Variants in CADPS2 observed in about 807,000 individuals in gnomAD.
The protein encoded by CADPS2 is calcium dependent secretion activator 2.
In CADPS2, 93 loss-of-function variants were observed where a neutral mutation model predicts 172.5. The observed-to-expected ratio is 0.54, with a 90% CI of 0.46 to 0.64. The LOEUF (loss-of-function observed/expected upper bound fraction) is 0.64. Among genes scored for constraint, CADPS2 ranks in the 30% least tolerant of loss-of-function variants. The probability of loss-of-function intolerance (pLI) is 0.00; values close to 1 mark genes in which losing one functional copy is unlikely to be tolerated. For synonymous variants in CADPS2, 546 were observed against 555.2 expected (o/e 0.98, Z 0.23); for missense variants, 1,420 against 1,565.9 (o/e 0.91, Z 1.57).
At chr7:122,781,779 G>T (rs140731345) in intron 1 of CADPS2, among the ~76,000 whole-genome samples, 36 of 152,188 alleles carry the variant, frequency 2.4e-4, no homozygotes, top group Non-Finnish European at 4.6e-4. Flanking sequence ...TCTGATTTGA[G>T]TAACCAATTT....
intron 8 of CADPS2, among the ~76,000 whole-genome samples, chr7:122,541,868 CATATATATTT>C (rs2131633387): frequency 8.2e-6 from 1 of 121,982 alleles, no homozygotes; most frequent in South Asian, 3.2e-4. Context: ...TATATATATG[CATATATATTT>C]ATATATATTC....
chr7:122,334,441 G>A (rs928914127), intron 28 of CADPS2, among the ~76,000 whole-genome samples: 8 of 152,160 alleles, frequency 5.3e-5, no homozygotes, highest in African/African-American at 7.2e-5. Context: ...TGTTGGCTTC[G>A]TTGAGCTGTT....
intron 2 of CADPS2, chr7:122,703,062 T>A (rs2086425850): frequency 4.0e-6 from 1 of 249,024 alleles, no homozygotes. Context: ...GTGCATTGCA[T>A]CCTGAAATCC....
At chr7:122,645,389 G>GTATATATGTACATATACACACATGTACA (rs764984768) in intron 3 of CADPS2, among the ~76,000 whole-genome samples, 1 of 65,886 alleles carries the variant, frequency 1.5e-5, no homozygotes, top group African/African-American at 4.3e-5. Flanking sequence ...ATGTACATGT[G>GTATATATGTACATATACACACATGTACA]TGTGTATATA....
In CADPS2 at chr7:122,480,857, C is replaced by G; in HGVS notation, c.1856G>C (p.Gly619Ala). 2 of 1,520,698 alleles carry G rather than the reference C, an allele frequency of 1.3e-6. No individual in the cohort carries two copies. Among genetic ancestry groups the G allele is most frequent in the Non-Finnish European group, 1.8e-6 (2 of 1,137,582 alleles). 94.2% of individuals were successfully genotyped at this position (1,520,698 alleles called of 1,614,324 possible). The change falls in exon 12 of 30, where the codon GGT becomes GCT. Residue 619 changes from glycine to alanine, a missense_variant. Gly to Ala is a moderately conservative substitution (Grantham distance 60). Transcript: ENST00000449022. ...AAAATCATGAAAATACTTACCTTTACCAGCTACAGGTCAGCAAAGAAATGA... is the reference window on the plus strand; with the variant it reads ...AAAATCATGAAAATACTTACCTTTAGCAGCTACAGGTCAGCAAAGAAATGA... ...GTLHADAQLS[G>A]KDADRFQKHG...
At chr7:122,700,581 TTC>T (rs982429697) in intron 2 of CADPS2, among the ~76,000 whole-genome samples, 3 of 141,592 alleles carry the variant, frequency 2.1e-5, no homozygotes, top group African/African-American at 7.3e-5. Flanking sequence ...ACCTAAATCT[TTC>T]TGTCTCTCAT....
chr7:122,401,685 T>A, intron 20 of CADPS2, among the ~76,000 whole-genome samples: 1 of 152,328 alleles, frequency 6.6e-6, no homozygotes, highest in Admixed American at 6.5e-5. Flanking sequence ...TTAGATACCA[T>A]TTAAACTGAT....
At chr7:122,728,807 G>GTAA (rs1335355560) in intron 2 of CADPS2, among the ~76,000 whole-genome samples, 7 of 151,614 alleles carry the variant, frequency 4.6e-5, no homozygotes, top group African/African-American at 1.7e-4. Context: ...TAGGCATAAG[G>GTAA]TAACACTAAT....
At chr7:122,677,297 T>C (rs1229828868) in intron 2 of CADPS2, among the ~76,000 whole-genome samples, 2 of 152,290 alleles carry the variant, frequency 1.3e-5, no homozygotes, top group Non-Finnish European at 2.9e-5. Context: ...AGCAGAGATC[T>C]GAAGACAAAG....
intron 8 of CADPS2, among the ~76,000 whole-genome samples, chr7:122,527,726 G>C (rs2061390153): frequency 6.6e-6 from 1 of 151,590 alleles, no homozygotes; most frequent in Admixed American, 6.6e-5. Context: ...CCCAGTCACA[G>C]ATAGTGCTAA....
chr7:122,326,121 C>T (rs929724126), intron 28 of CADPS2, among the ~76,000 whole-genome samples: 2 of 150,506 alleles, frequency 1.3e-5, no homozygotes, highest in African/African-American at 2.4e-5. Context: ...TCCTCAATCA[C>T]ACCTTTATCA....
chr7:122,865,494 T>A (rs1264432761), intron 1 of CADPS2, among the ~76,000 whole-genome samples: 1 of 152,210 alleles, frequency 6.6e-6, no homozygotes, highest in Non-Finnish European at 1.5e-5. Context: ...CAATTCTTGC[T>A]CCTATTGCAG....
chr7:122,541,134 A>G (rs192705857), intron 8 of CADPS2, among the ~76,000 whole-genome samples: 1 of 152,214 alleles, frequency 6.6e-6, no homozygotes, highest in East Asian at 1.9e-4. Flanking sequence ...AGAATGAAAT[A>G]GAAAAAGCAG....
chr7:122,479,658 T>C (rs2057067443), intron 12 of CADPS2, among the ~76,000 whole-genome samples: 1 of 152,184 alleles, frequency 6.6e-6, no homozygotes, highest in African/African-American at 2.4e-5. Context: ...TTTTGCATGA[T>C]GACAATTTTG....
At chr7:122,770,183 C>T (rs1314262635) in intron 1 of CADPS2, among the ~76,000 whole-genome samples, 1 of 152,102 alleles carries the variant, frequency 6.6e-6, no homozygotes, top group Non-Finnish European at 1.5e-5. Context: ...TCTGTGTGTA[C>T]AGTCTGTTTA....
Position 122,414,178 on chromosome 7 carries a change from G to C in CADPS2, c.2581-102C>G, listed in dbSNP as rs1256023136. 3.9e-5 allele frequency: 28 copies of C among 724,356 alleles called. 1 individual carries two copies. Among genetic ancestry groups the C allele is most frequent in the Non-Finnish European group, 3.8e-5 (18 of 468,528 alleles). 44.9% of individuals were successfully genotyped at this position (724,356 alleles called of 1,614,324 possible). On this transcript the variant is annotated intron_variant, in intron 18 of 29. Transcript: ENST00000449022. ...GTCATCATAATAGTCCTATATTTCAGTATATCGTATAGTGATATTTATGAA... is the reference window on the plus strand; with the variant it reads ...GTCATCATAATAGTCCTATATTTCACTATATCGTATAGTGATATTTATGAA...
chr7:122,546,541 C>G (rs1354190023), intron 8 of CADPS2, among the ~76,000 whole-genome samples: 2 of 124,246 alleles, frequency 1.6e-5, no homozygotes, highest in African/African-American at 3.3e-5. Context: ...CTCTTTAGAC[C>G]TCTGCTGATC....
chr7:122,736,853 C>T (rs2092186519), intron 2 of CADPS2, 102 bp downstream of exon 2: 2 of 632,574 alleles, frequency 3.2e-6, no homozygotes, highest in African/African-American at 1.9e-5. Flanking sequence ...CACAGCCTTC[C>T]TGTCAGACCA....
At chr7:122,592,443 A>G (rs985544829) in intron 6 of CADPS2, among the ~76,000 whole-genome samples, 1 of 151,942 alleles carries the variant, frequency 6.6e-6, no homozygotes, top group African/African-American at 2.4e-5. Context: ...TTCCTCAGGG[A>G]TCTAGAACTA....
Sources: allele counts gnomAD v4.1 joint callset (sites outside exome capture counted in the v4.1 genomes callset), GRCh38; gene constraint gnomAD v4.1.1; transcripts MANE v1.5; gene names NCBI Gene and HGNC (gene_info 2026-07-23, HGNC 2026-07-21).